Variants in PSTPIP1 observed in about 807,000 individuals in gnomAD.
PSTPIP1 encodes proline-serine-threonine phosphatase interacting protein 1.
In PSTPIP1, 66 loss-of-function variants were observed where a neutral mutation model predicts 69.6. That is an observed-to-expected ratio of 0.95 (90% CI 0.78 to 1.16). The LOEUF (loss-of-function observed/expected upper bound fraction) is 1.16, where lower values mean the gene tolerates loss of function less well. PSTPIP1 is among the 50% of genes most tolerant of loss of function. The pLI is 0.00. For synonymous variants in PSTPIP1, 266 were observed against 222.7 expected (o/e 1.19, Z -1.73); for missense variants, 603 against 557.4 (o/e 1.08, Z -0.82).
At chr15:76,994,703 C>T (rs926369604), upstream of PSTPIP1, 27 of 1,243,988 alleles carry the variant, frequency 2.2e-5, no homozygotes, top group Admixed American at 6.9e-5. Context: ...GTGCTCACAG[C>T]CCCCCAGAGC....
chr15:77,035,993 C>A, intron 14 of PSTPIP1, 58 bp downstream of exon 14: 5 of 1,515,336 alleles, frequency 3.3e-6, no homozygotes, highest in African/African-American at 1.4e-5. Flanking sequence ...TGAGAGCTCC[C>A]TCTCCCATCC....
At chr15:77,012,867 G>A (rs919848578) in intron 1 of PSTPIP1, among the ~76,000 whole-genome samples, 40 of 152,182 alleles carry the variant, frequency 2.6e-4, no homozygotes, top group African/African-American at 9.7e-4. Context: ...GCCGTCATAA[G>A]GCCTTGTCCT....
intron 7 of PSTPIP1, among the ~76,000 whole-genome samples, chr15:77,028,943 TCA>T (rs1568514746): frequency 6.6e-6 from 1 of 152,128 alleles, no homozygotes; most frequent in Non-Finnish European, 1.5e-5. Context: ...ACGCCAACCC[TCA>T]CACAACCTTG....
In PSTPIP1 at chr15:77,018,625, G is replaced by T. The variant is rs1041209727; in HGVS notation, c.212+94G>T. Reference sequence around the variant, plus strand: ...TTTAGGTCTTCCTGGCATGGGGGAGGCTGGGCAGAACCAGGGTAGGTCTGG... The same window carrying T: ...TTTAGGTCTTCCTGGCATGGGGGAGTCTGGGCAGAACCAGGGTAGGTCTGG... On this transcript the variant is annotated intron_variant, in intron 3 of 14. Coordinates refer to ENST00000558012, the MANE Select transcript of PSTPIP1 (RefSeq NM_003978.5). The T allele has an allele frequency of 5.1e-5, 68 of 1,321,260 alleles. 4 individuals carry two copies. The highest frequency in any genetic ancestry group is 5.6e-5 in the Non-Finnish European group (55 of 982,400). 81.8% of individuals were successfully genotyped at this position (1,321,260 alleles called of 1,614,324 possible). A position where few individuals can be genotyped will look rare whatever the true frequency, so the allele number is the denominator to read the frequency against.
chr15:77,036,430 G>T (rs1183825192), intron 14 of PSTPIP1, among the ~76,000 whole-genome samples: 1 of 152,190 alleles, frequency 6.6e-6, no homozygotes, highest in Non-Finnish European at 1.5e-5. Context: ...TTGCTATCGT[G>T]CCAGGATTGA....
intron 3 of PSTPIP1, among the ~76,000 whole-genome samples, chr15:77,021,713 T>A (rs2076165409): frequency 6.6e-6 from 1 of 152,156 alleles, no homozygotes; most frequent in South Asian, 2.1e-4. Context: ...TGCAGGGGGC[T>A]TACCAACATT....
intron 7 of PSTPIP1, 138 bp downstream of exon 7, chr15:77,028,790 C>T (rs2076347858): frequency 1.3e-6 from 1 of 788,708 alleles, no homozygotes; most frequent in African/African-American, 1.8e-5. Flanking sequence ...CCCAATCTCC[C>T]CATCTGTGAA....
chr15:77,011,503 T>C (rs2152672904), intron 1 of PSTPIP1, among the ~76,000 whole-genome samples: 1 of 152,382 alleles, frequency 6.6e-6, no homozygotes, highest in Admixed American at 6.5e-5. Context: ...GAAACTCATT[T>C]CTAATCTCAA....
At position 77,032,972 on chromosome 15, in the gene PSTPIP1, A is replaced by AG. The variant is rs767855367; in HGVS notation, c.929+23dup. On this transcript the variant is annotated intron_variant, in intron 12 of 14. Transcript: ENST00000558012. Reference sequence around the variant, plus strand: ...AAAGAGGTGAGGCCCCGACAGACGGAGGGAGGGCCTAAGGCTGGGCCAGGA... The same window carrying AG: ...AAAGAGGTGAGGCCCCGACAGACGGAGGGGAGGGCCTAAGGCTGGGCCAGGA... 41 of 1,581,164 alleles carry AG rather than the reference A, an allele frequency of 2.6e-5. No homozygotes were observed. The highest frequency in any genetic ancestry group is 1.3e-5 in the African/African-American group (1 of 74,240).
At chr15:77,033,719 G>C (rs987726597) in intron 12 of PSTPIP1, among the ~76,000 whole-genome samples, 2 of 152,056 alleles carry the variant, frequency 1.3e-5, no homozygotes, top group African/African-American at 4.8e-5. Flanking sequence ...TGCAGTTCCC[G>C]GCCCTTCCCA....
chr15:76,994,904 G>C, upstream of PSTPIP1: 3 of 1,283,222 alleles, frequency 2.3e-6, no homozygotes, highest in Non-Finnish European at 3.0e-6. Context: ...CTGGCTGGCG[G>C]GTGACACACC....
Position 77,027,898 on chromosome 15 carries a change from A to G in PSTPIP1, c.401A>G (p.Tyr134Cys). ...GTCCAGAAGAGCAAGCTGTCGCTCT[A>G]CAAGAAGGCCATGGAGGTGAGCGCC... ...DRVQKSKLSL[Y>C]KKAMESKKTY... The change falls in exon 6 of 15, where the codon TAC becomes TGC. Residue 134 changes from tyrosine to cysteine, a missense_variant. Transcript: ENST00000558012. This position sits in a 1 kb window ranked among gnomAD's most constrained non-coding sequence, Gnocchi z 4.3. The G allele has an allele frequency of 1.3e-6, 2 of 1,565,048 alleles. No individual in the cohort carries two copies. The highest frequency in any genetic ancestry group is 8.7e-7 in the Non-Finnish European group (1 of 1,155,440).
intron 3 of PSTPIP1, among the ~76,000 whole-genome samples, chr15:77,021,813 C>A (rs973249374): frequency 6.6e-6 from 1 of 152,232 alleles, no homozygotes; most frequent in African/African-American, 2.4e-5. Context: ...CCCTGTTGCT[C>A]CCCTGCCCAG....
Position 77,037,473 on chromosome 15 carries a change from G to A in PSTPIP1, c.*297G>A. The A allele has an allele frequency of 3.2e-6, 1 of 314,462 alleles. No individual in the cohort carries two copies. The highest frequency in any genetic ancestry group is 6.1e-6 in the Non-Finnish European group (1 of 162,662). 19.5% of individuals were successfully genotyped at this position (314,462 alleles called of 1,614,324 possible). On this transcript the variant is annotated 3_prime_UTR_variant, in exon 15 of 15. Coordinates refer to ENST00000558012, the MANE Select transcript of PSTPIP1 (RefSeq NM_003978.5). ...CGAGGCTTCAGCTATAGTTGGAGAA[G>A]AGGCCTGGCCCCAGTTGCTAGGAGC...
intron 12 of PSTPIP1, among the ~76,000 whole-genome samples, chr15:77,034,512 C>A (rs922436428): frequency 6.6e-6 from 1 of 152,022 alleles, no homozygotes; most frequent in Non-Finnish European, 1.5e-5. Flanking sequence ...TGGCTCAGCC[C>A]CTCACCTGCA....
chr15:77,017,273 C>T (rs1042078541), intron 1 of PSTPIP1, among the ~76,000 whole-genome samples: 1 of 152,190 alleles, frequency 6.6e-6, no homozygotes, highest in East Asian at 1.9e-4. Context: ...CCCAACTTCT[C>T]ACACCCAGCT....
intron 14 of PSTPIP1, 79 bp downstream of exon 14, chr15:77,036,014 G>T (rs902380905): frequency 6.8e-7 from 1 of 1,460,112 alleles, no homozygotes. Flanking sequence ...AGTGCCTTGC[G>T]TCCTCATCTC....
chr15:77,032,275 G>A, intron 10 of PSTPIP1, 23 bp from the exon 11 acceptor site: 1 of 1,610,210 alleles, frequency 6.2e-7, no homozygotes, highest in Non-Finnish European at 8.5e-7. Flanking sequence ...TCGGGCTGCG[G>A]CCTCTGCTCT....
intron 1 of PSTPIP1, among the ~76,000 whole-genome samples, chr15:77,000,460 G>GT (rs2075678126): frequency 6.4e-4 from 91 of 141,766 alleles, no homozygotes; most frequent in African/African-American, 2.2e-3. Flanking sequence ...TTTAAAGAGA[G>GT]ATATATATAT....
Sources: allele counts gnomAD v4.1 joint callset (sites outside exome capture counted in the v4.1 genomes callset), GRCh38; gene constraint gnomAD v4.1.1; non-coding constraint Gnocchi (gnomAD v3.1); transcripts MANE v1.5; gene names NCBI Gene and HGNC (gene_info 2026-07-23, HGNC 2026-07-21).